DCC: variants seen among roughly 807,000 people sequenced by gnomAD.
DCC encodes the protein DCC netrin 1 receptor.
In DCC, 58 loss-of-function variants were observed where a neutral mutation model predicts 172.5. The ratio of observed to expected loss-of-function variants is 0.34; its 90% CI spans 0.27 to 0.42. The LOEUF (loss-of-function observed/expected upper bound fraction) is 0.42, where lower values mean the gene tolerates loss of function less well. Ranked by LOEUF, DCC falls within the 10% of genes least tolerant of loss-of-function variation. DCC has a pLI of 1.00. For missense variants in DCC, 1,740 were observed against 1,791.0 expected (o/e 0.97, Z 0.51); for synonymous variants, 709 against 644.5 (o/e 1.10, Z -1.52).
chr18:52,488,378 G>T (rs1403854542), intron 1 of DCC, among the ~76,000 whole-genome samples: 1 of 152,030 alleles, frequency 6.6e-6, no homozygotes, highest in Admixed American at 6.6e-5. Context: ...ACGTAACTGG[G>T]TTTTTTCCTC....
intron 12 of DCC, among the ~76,000 whole-genome samples, chr18:53,238,294 G>A (rs2056234297): frequency 6.6e-6 from 1 of 152,120 alleles, no homozygotes; most frequent in Non-Finnish European, 1.5e-5. Context: ...ATTATTCAAT[G>A]TGAACACTTT....
At chr18:52,750,948 A>G (rs2036984866) in intron 1 of DCC, among the ~76,000 whole-genome samples, 2 of 152,208 alleles carry the variant, frequency 1.3e-5, no homozygotes, top group East Asian at 1.9e-4. Context: ...TTTTTAAGAA[A>G]TGAAATGCCA....
chr18:53,050,595 G>C (rs1056016833), intron 5 of DCC, among the ~76,000 whole-genome samples: 3 of 152,004 alleles, frequency 2.0e-5, no homozygotes, highest in Admixed American at 2.0e-4. Flanking sequence ...TGGTATATAG[G>C]AATACTACTG....
intron 5 of DCC, among the ~76,000 whole-genome samples, chr18:52,996,249 T>C (rs2041475651): frequency 6.6e-6 from 1 of 151,770 alleles, no homozygotes; most frequent in South Asian, 2.1e-4. Context: ...TTTTATATAA[T>C]TATATATTTT....
At chr18:53,113,713 C>T (rs946724602) in intron 7 of DCC, among the ~76,000 whole-genome samples, 1 of 149,780 alleles carries the variant, frequency 6.7e-6, no homozygotes, top group Non-Finnish European at 1.5e-5. Context: ...CAAAAACCTG[C>T]TTTTTTTTTT....
At chr18:53,112,136 C>A (rs560369294) in intron 7 of DCC, among the ~76,000 whole-genome samples, 5 of 151,444 alleles carry the variant, frequency 3.3e-5, no homozygotes, top group Admixed American at 1.3e-4. Flanking sequence ...TAAGTAAAAT[C>A]TTGTCTTATA....
intron 1 of DCC, among the ~76,000 whole-genome samples, chr18:52,369,612 C>A (rs1478901367): frequency 1.3e-5 from 2 of 151,738 alleles, no homozygotes; most frequent in South Asian, 4.2e-4. Context: ...TCTCTCTCTG[C>A]CTCTCTGCTT....
At chr18:53,134,400 C>T (rs1253618704) in intron 7 of DCC, among the ~76,000 whole-genome samples, 2 of 152,100 alleles carry the variant, frequency 1.3e-5, no homozygotes, top group Non-Finnish European at 2.9e-5. Context: ...CTGCCTGCTT[C>T]TGAACTACAC....
intron 27 of DCC, among the ~76,000 whole-genome samples, chr18:53,509,073 A>T (rs753782317): frequency 7.9e-5 from 12 of 152,204 alleles, no homozygotes; most frequent in Non-Finnish European, 1.3e-4. Context: ...ATTTAATGTG[A>T]TTAAAGCTTC....
chr18:52,524,479 A>T (rs934160686), intron 1 of DCC, among the ~76,000 whole-genome samples: 1 of 152,238 alleles, frequency 6.6e-6, no homozygotes, highest in Non-Finnish European at 1.5e-5. Context: ...ATTTTATGCC[A>T]ACTTTTTGGA....
intron 7 of DCC, among the ~76,000 whole-genome samples, chr18:53,147,757 T>C (rs532068054): frequency 3.0e-4 from 46 of 152,306 alleles, no homozygotes; most frequent in Admixed American, 5.9e-4. Context: ...TAGATTGAAA[T>C]GAACATATCC....
intron 1 of DCC, among the ~76,000 whole-genome samples, chr18:52,623,616 G>T (rs17755653): frequency 0.021 from 3,206 of 152,226 alleles, 105 homozygotes; most frequent in East Asian, 0.09. Flanking sequence ...AGCCTTAAGC[G>T]AACAGTTCAT....
intron 2 of DCC, among the ~76,000 whole-genome samples, chr18:52,890,436 G>T (rs2039631626): frequency 1.3e-5 from 2 of 152,102 alleles, no homozygotes; most frequent in African/African-American, 4.8e-5. Context: ...AGAATTCCTA[G>T]TAAATGATTT....
At chr18:53,003,120 C>T (rs931178166) in intron 5 of DCC, among the ~76,000 whole-genome samples, 2 of 152,120 alleles carry the variant, frequency 1.3e-5, no homozygotes, top group African/African-American at 4.8e-5. Context: ...AAAAGGAATG[C>T]TGTCAGGGGT....
intron 2 of DCC, among the ~76,000 whole-genome samples, chr18:52,753,166 T>C (rs74679918): frequency 0.022 from 3,376 of 152,288 alleles, 83 homozygotes; most frequent in East Asian, 0.078. Flanking sequence ...TATCATATGG[T>C]AATTCTAATT....
At chr18:53,017,522 A>G (rs62097945) in intron 5 of DCC, among the ~76,000 whole-genome samples, 29,958 of 152,058 alleles carry the variant, frequency 0.2, 3,305 homozygotes, top group African/African-American at 0.31. Flanking sequence ...AATTTCTTCA[A>G]TAACCATACT....
intron 1 of DCC, among the ~76,000 whole-genome samples, chr18:52,551,755 C>CAT (rs1418158403): frequency 1.3e-4 from 19 of 147,758 alleles, no homozygotes; most frequent in Non-Finnish European, 2.1e-4. Context: ...CACACACACA[C>CAT]ACACACACAC....
At chr18:52,701,995 C>A (rs925387766) in intron 1 of DCC, among the ~76,000 whole-genome samples, 1 of 152,174 alleles carries the variant, frequency 6.6e-6, no homozygotes, top group Non-Finnish European at 1.5e-5. Flanking sequence ...TCCTATGCAT[C>A]TCTTGTGAAT....
At chr18:53,105,895 T>C (rs1444581255) in intron 7 of DCC, among the ~76,000 whole-genome samples, 1 of 151,480 alleles carries the variant, frequency 6.6e-6, no homozygotes, top group Non-Finnish European at 1.5e-5. Context: ...CTCTTTAGTA[T>C]ATTTGTGAGT....
Sources: gnomAD v4.1 joint callset for allele counts (sites outside exome capture counted in the v4.1 genomes callset) on GRCh38, gnomAD v4.1.1 for gene constraint, MANE v1.5 for transcripts, NCBI Gene and HGNC (gene_info 2026-07-23, HGNC 2026-07-21) for gene names.